ENAM: variants seen among roughly 807,000 people sequenced by gnomAD.
ENAM encodes the protein amelogenesis imperfecta 2, hypocalcification (autosomal dominant).
A neutral mutation model predicts 33.6 loss-of-function variants in ENAM; 21 were observed. The ratio of observed to expected loss-of-function variants is 0.63; its 90% confidence interval spans 0.44 to 0.90. The LOEUF (loss-of-function observed/expected upper bound fraction) is 0.90. Ranked by LOEUF, ENAM falls within the 40% of genes least tolerant of loss-of-function variation. The pLI is 0.00. For synonymous variants in ENAM, 473 were observed against 468.4 expected, an observed-to-expected ratio of 1.01 and a Z score of -0.13; for missense variants, 1,388 against 1,366.9, an observed-to-expected ratio of 1.02 and a Z score of -0.24.
intron 2 of ENAM, among the ~76,000 whole-genome samples, chr4:70,630,592 T>G (rs1738286212): frequency 6.6e-6 from 1 of 152,150 alleles, no homozygotes; most frequent in African/African-American, 2.4e-5. Flanking sequence ...TTAACTAGAG[T>G]GGGATAAATG....
intron 4 of ENAM, among the ~76,000 whole-genome samples, chr4:70,632,367 G>C (rs1037525642): frequency 2.0e-5 from 3 of 152,004 alleles, no homozygotes; most frequent in Admixed American, 6.6e-5. Context: ...AAACTTTACA[G>C]TAGATCAGAC....
intron 8 of ENAM, among the ~76,000 whole-genome samples, chr4:70,638,755 T>C (rs1738524697): frequency 6.6e-6 from 1 of 151,768 alleles, no homozygotes; most frequent in African/African-American, 2.4e-5. Flanking sequence ...GTCCCTGCAA[T>C]GACTGCCAAT....
At chr4:70,639,460 C>G (rs1560402832) in intron 8 of ENAM, among the ~76,000 whole-genome samples, 1 of 151,940 alleles carries the variant, frequency 6.6e-6, no homozygotes, top group Non-Finnish European at 1.5e-5. Flanking sequence ...TATGGTGGTG[C>G]TGGCCTGTAA....
rs1357163000 is a variant in ENAM at position 70,645,870 on chromosome 4, C to T, written c.*1015C>T. ...TTAAGGAGAAGGGAAGGCAGGATAC[C>T]CAGAACTAGCAGCCTAGGGAAAAGG... On this transcript the variant is annotated 3_prime_UTR_variant, in exon 9 of 9. Transcript: ENST00000396073. 2 of 152,032 alleles carry T rather than the reference C, an allele frequency of 1.3e-5. No homozygotes were observed. Among genetic ancestry groups the T allele is most frequent in the Admixed American group, 6.6e-5 (1 of 15,258 alleles). The allele number at this position is 152,032 out of a possible 1,614,324, so 9.4% of individuals were successfully genotyped here.
At chr4:70,632,366 A>G (rs1738344749) in intron 4 of ENAM, among the ~76,000 whole-genome samples, 1 of 152,118 alleles carries the variant, frequency 6.6e-6, no homozygotes, top group South Asian at 2.1e-4. Flanking sequence ...AAAACTTTAC[A>G]GTAGATCAGA....
intron 8 of ENAM, among the ~76,000 whole-genome samples, chr4:70,641,351 T>C (rs1006289824): frequency 2.0e-5 from 3 of 151,542 alleles, no homozygotes; most frequent in Non-Finnish European, 4.4e-5. Flanking sequence ...GAATTCTTTT[T>C]TCTTTCTTTC....
rs1413132338 is a variant in ENAM at position 70,634,315 on chromosome 4, A to G, written c.218A>G (p.His73Arg). 15 of 1,613,914 alleles carry G rather than the reference A, an allele frequency of 9.3e-6. No homozygotes were observed. The highest frequency in any genetic ancestry group is 1.3e-5 in the Non-Finnish European group (15 of 1,179,946). The change falls in exon 6 of 9, where the codon CAC (histidine) becomes CGC (arginine). Residue 73 changes from histidine to arginine, a missense_variant. Physicochemically the swap from His to Arg is conservative, Grantham distance 29. Transcript: ENST00000396073. ...FNFMNGPHMAHLGPFFGNGLP... is the reference protein window; with the variant it reads ...FNFMNGPHMARLGPFFGNGLP... ...TATTTGCTACCCTTTCAGATGGCACACCTGGGGCCCTTCTTTGGAAACGGT... is the reference window on the plus strand; with the variant it reads ...TATTTGCTACCCTTTCAGATGGCACGCCTGGGGCCCTTCTTTGGAAACGGT...
At position 70,634,462 on chromosome 4, in the gene ENAM, C is replaced by T. The variant is rs1738402068; in HGVS notation, c.365C>T (p.Thr122Ile). 6.2e-7 allele frequency: 1 copy of T among 1,613,994 alleles called. No homozygotes were observed. Among genetic ancestry groups the T allele is most frequent in the Non-Finnish European group, 8.5e-7 (1 of 1,180,016 alleles). ...RHNKTDQTQE[T>I]QKPNQTQSKK... ...AACAAGACTGATCAGACCCAAGAAA[C>T]CCAGAAACCCAACCAGACTCAGTCA... Residue 122 changes from threonine to isoleucine, a missense_variant, in exon 6 of 9, where the codon ACC (threonine) becomes ATC (isoleucine). By Grantham distance (89) the Thr-to-Ile change is moderately conservative. Coordinates refer to ENST00000396073, the MANE Select transcript of ENAM (RefSeq NM_031889.3).
intron 7 of ENAM, among the ~76,000 whole-genome samples, chr4:70,636,663 G>A (rs1174013774): frequency 6.6e-6 from 1 of 152,070 alleles, no homozygotes; most frequent in Non-Finnish European, 1.5e-5. Flanking sequence ...CAGATATTCA[G>A]GAAGCTGAGG....
chr4:70,631,887 T>C lies in ENAM; in HGVS notation c.162T>C (p.Ser54=), dbSNP rs939916090. ...MPRMPGFSSK[S]EEMMRYNQFN... ...GAATGCCTGGATTTAGCAGTAAAAG[T>C]GAGGAGGTATGTACGTTCAGTCTCA... The change falls in exon 4 of 9, where the codon AGT becomes AGC. Residue 54 remains serine, a synonymous_variant. Coordinates refer to ENST00000396073, the MANE Select transcript of ENAM (RefSeq NM_031889.3). 1.2e-6 allele frequency: 2 copies of C among 1,613,592 alleles called. No homozygotes were observed. Among genetic ancestry groups the C allele is most frequent in the Admixed American group, 1.7e-5 (1 of 60,014 alleles).
At position 70,635,775 on chromosome 4, in the gene ENAM, A is replaced by T. The variant is rs566773188; in HGVS notation, c.472-57A>T. On this transcript the variant is annotated intron_variant, in intron 6 of 8. Transcript: ENST00000396073. ...CAATTGTATTTAGTTAGTTTCCTTC[A>T]TTTTTTTATGTATTCTTTTCAATAC... 74 of 1,134,684 alleles carry T rather than the reference A, an allele frequency of 6.5e-5. 2 individuals carry two copies. In the South Asian group the frequency reaches 9.4e-4, roughly 14 times the overall value. The allele number at this position is 1,134,684 out of a possible 1,614,324, so 70.3% of individuals were successfully genotyped here.
In ENAM at chr4:70,631,074, G is replaced by GATA. The variant is rs1192491074; in HGVS notation, c.55-585_55-583dup. Among the ~76,000 whole-genome samples, 6 of 152,042 alleles carry GATA rather than the reference G, an allele frequency of 3.9e-5. No homozygotes were observed. In the East Asian group the frequency reaches 9.7e-4, roughly 24 times the overall value. On this transcript the variant is annotated intron_variant, in intron 2 of 8. Coordinates refer to ENST00000396073, the MANE Select transcript of ENAM (RefSeq NM_031889.3). ...GATTTTTAAAGGAAGTGATGATGAT[G>GATA]ATAATAATAATAACAGGAACAATAG...
chr4:70,645,229 T>TGGCA lies in ENAM; in HGVS notation c.*374_*375insGGCA. On this transcript the variant is annotated 3_prime_UTR_variant, in exon 9 of 9. Coordinates refer to ENST00000396073, the MANE Select transcript of ENAM (RefSeq NM_031889.3). Reference sequence around the variant, plus strand: ...GACTGAAAGGCAGATTAACTTTCCATTCTACTTATGGAGATCCACACATCA... The same window carrying TGGCA: ...GACTGAAAGGCAGATTAACTTTCCATGGCATCTACTTATGGAGATCCACACATCA... 3.6e-6 allele frequency: 1 copy of TGGCA among 276,834 alleles called. No individual in the cohort carries two copies. The highest frequency in any genetic ancestry group is 6.7e-6 in the Non-Finnish European group (1 of 148,248). The allele number at this position is 276,834 out of a possible 1,614,324, so 17.1% of individuals were successfully genotyped here.
chr4:70,635,454 C>A (rs7662367), intron 6 of ENAM, among the ~76,000 whole-genome samples: 14,182 of 152,086 alleles, frequency 0.093, 1,193 homozygotes, highest in African/African-American at 0.23. Flanking sequence ...TAGGGAGTAC[C>A]AAATTGAATG....
rs564877872 is a variant in ENAM at position 70,642,375 on chromosome 4, C to A, written c.949C>A (p.Arg317Ser). 2 of 1,614,114 alleles carry A rather than the reference C, an allele frequency of 1.2e-6. No individual in the cohort carries two copies. The highest frequency in any genetic ancestry group is 1.7e-6 in the Non-Finnish European group (2 of 1,179,992). ...ATGGAGACCAAGTCAGCCAAATATT[C>A]GTGAAAATCATCCATATCCTAATAT... ...IPWRPSQPNI[R>S]ENHPYPNIRN... Residue 317 changes from arginine to serine, a missense_variant, in exon 9 of 9, where the codon CGT becomes AGT. Arg to Ser is a moderately radical substitution (Grantham distance 110, BLOSUM62 -1). Transcript: ENST00000396073.
In ENAM at chr4:70,637,837, AG is replaced by A. The variant is rs752102959; in HGVS notation, c.588+1del. 5 of 1,610,882 alleles carry A rather than the reference AG, an allele frequency of 3.1e-6. No individual in the cohort carries two copies. Among genetic ancestry groups the A allele is most frequent in the Non-Finnish European group, 4.2e-6 (5 of 1,177,024 alleles). On this transcript the variant is annotated frameshift_variant, in exon 8 of 9. Coordinates refer to ENST00000396073, the MANE Select transcript of ENAM (RefSeq NM_031889.3). LOFTEE classifies it low-confidence loss of function (END_TRUNC). Reference sequence around the variant, plus strand: ...GACGCCCACCAATCAGCAATGAAGAAGGGGGGGTAAGTACAAGTAAAACTAC... The same window carrying A: ...GACGCCCACCAATCAGCAATGAAGAAGGGGGGTAAGTACAAGTAAAACTAC... ...YGRPPISNEE[G>X]GNPYFGYFGY...
At chr4:70,639,418 C>T (rs996221615) in intron 8 of ENAM, among the ~76,000 whole-genome samples, 3 of 150,454 alleles carry the variant, frequency 2.0e-5, no homozygotes, top group East Asian at 2.0e-4. Context: ...GGTGAAATCC[C>T]GTCTCTACTA....
intron 6 of ENAM, among the ~76,000 whole-genome samples, chr4:70,635,114 C>T (rs182640841): frequency 2.6e-5 from 4 of 152,166 alleles, no homozygotes; most frequent in Non-Finnish European, 4.4e-5. Context: ...TGGTGGCTCA[C>T]ACTTGTAATC....
At chr4:70,631,939 C>CT in intron 4 of ENAM, 46 bp downstream of exon 4, 1 of 1,479,698 alleles carries the variant, frequency 6.8e-7, no homozygotes, top group Non-Finnish European at 9.5e-7. Context: ...GAGTCCTATC[C>CT]TACACATTTA....
Sources: gnomAD v4.1 joint callset for allele counts (sites outside exome capture counted in the v4.1 genomes callset) on GRCh38, gnomAD v4.1.1 for gene constraint, MANE v1.5 for transcripts, NCBI Gene and HGNC (gene_info 2026-07-23, HGNC 2026-07-21) for gene names.